The following NEK1 variants were observed in gnomAD, a reference collection of about 807,000 sequenced individuals.
The protein encoded by NEK1 is NIMA related kinase 1.
Under a neutral mutation model 182.1 loss-of-function variants are expected in NEK1, and 137 were observed. The observed-to-expected ratio is 0.75, with a 90% CI of 0.65 to 0.87. The LOEUF is 0.87. Among genes scored for constraint, NEK1 ranks in the 40% least tolerant of loss-of-function variants. The pLI is 0.00. For synonymous variants in NEK1, 513 were observed against 492.2 expected, an observed-to-expected ratio of 1.04 and a Z score of -0.56; for missense variants, 1,391 against 1,494.4, an observed-to-expected ratio of 0.93 and a Z score of 1.14.
At chr4:169,446,011 G>C (rs922961341) in intron 27 of NEK1, among the ~76,000 whole-genome samples, 1 of 151,780 alleles carries the variant, frequency 6.6e-6, no homozygotes, top group Non-Finnish European at 1.5e-5. Flanking sequence ...CTGACTTATA[G>C]GTGGGAGCTA....
chr4:169,590,207 C>G (rs568803500), intron 6 of NEK1, among the ~76,000 whole-genome samples: 2 of 152,150 alleles, frequency 1.3e-5, no homozygotes, highest in Non-Finnish European at 2.9e-5. Flanking sequence ...ACTCGTTGGT[C>G]TGAGGCAGGA....
intron 12 of NEK1, chr4:169,576,477 G>A (rs184401826): frequency 9.7e-5 from 15 of 154,606 alleles, no homozygotes; most frequent in East Asian, 5.7e-4. Context: ...TGGGCATGTC[G>A]CTTAAATTCT....
rs1460546427 is a variant in NEK1 at position 169,507,042 on chromosome 4, C to T, written c.2002G>A (p.Glu668Lys). 5 of 1,605,482 alleles carry T rather than the reference C, an allele frequency of 3.1e-6. No individual in the cohort carries two copies. The highest frequency in any genetic ancestry group is 4.3e-6 in the Non-Finnish European group (5 of 1,175,280). Reference sequence around the variant, plus strand: ...GAATATGAGCTAAATCTTACATGCTCTTCCCACACTTTTTTTTCTCTCTCA... The same window carrying T: ...GAATATGAGCTAAATCTTACATGCTTTTCCCACACTTTTTTTTCTCTCTCA... ...AYEREKKVWEEHLVAKGVKSS... is the reference protein window; with the variant it reads ...AYEREKKVWEKHLVAKGVKSS... The change falls in exon 23 of 36, where the codon GAG becomes AAG. Residue 668 changes from glutamate to lysine, a missense_variant. By Grantham distance (56) the Glu-to-Lys change is moderately conservative. Around this residue, in one of 5 missense-constraint regions of NEK1, gnomAD observed 1,216 missense variants for 1,277.6 expected, o/e 0.95. Transcript: ENST00000507142.
intron 4 of NEK1, among the ~76,000 whole-genome samples, chr4:169,599,948 G>A (rs1490817027): frequency 1.3e-5 from 2 of 151,486 alleles, no homozygotes; most frequent in East Asian, 3.9e-4. Context: ...CTGACCTTGA[G>A]CTCCTGGGCT....
chr4:169,441,267 G>A (rs1050568184), intron 27 of NEK1, among the ~76,000 whole-genome samples: 4 of 152,230 alleles, frequency 2.6e-5, no homozygotes, highest in African/African-American at 4.8e-5. Context: ...TGCACCTTCA[G>A]GAGCAAGGAG....
At chr4:169,491,375 A>G (rs1173914056) in intron 23 of NEK1, among the ~76,000 whole-genome samples, 1 of 152,148 alleles carries the variant, frequency 6.6e-6, no homozygotes, top group African/African-American at 2.4e-5. Context: ...AAGAGCATCA[A>G]GCAACATACA....
At chr4:169,586,947 T>C (rs1327323014) in intron 9 of NEK1, among the ~76,000 whole-genome samples, 1 of 152,016 alleles carries the variant, frequency 6.6e-6, no homozygotes, top group Non-Finnish European at 1.5e-5. Context: ...TTCTGAAGTT[T>C]TGTGTAATGA....
At chr4:169,471,734 T>C (rs571578794) in intron 26 of NEK1, among the ~76,000 whole-genome samples, 22 of 152,290 alleles carry the variant, frequency 1.4e-4, no homozygotes, top group African/African-American at 5.3e-4. Flanking sequence ...CAGCTGCCCC[T>C]TCCCCCAGGT....
intron 32 of NEK1, among the ~76,000 whole-genome samples, chr4:169,402,967 A>T (rs1731941658): frequency 6.6e-6 from 1 of 152,354 alleles, no homozygotes; most frequent in South Asian, 2.1e-4. Context: ...TTCATCTATC[A>T]GGAAGGCAAT....
intron 2 of NEK1, among the ~76,000 whole-genome samples, chr4:169,604,424 A>G (rs1377705742): frequency 2.0e-5 from 3 of 152,254 alleles, no homozygotes; most frequent in Non-Finnish European, 2.9e-5. Flanking sequence ...TATTGTAGAC[A>G]TACATGAATT....
At chr4:169,574,420 C>T (rs1462431106) in intron 12 of NEK1, among the ~76,000 whole-genome samples, 1 of 151,772 alleles carries the variant, frequency 6.6e-6, no homozygotes, top group Non-Finnish European at 1.5e-5. Context: ...ATGGTGAAAC[C>T]CCGTCTCTAA....
intron 26 of NEK1, among the ~76,000 whole-genome samples, chr4:169,465,942 G>A (rs1208899532): frequency 6.6e-6 from 1 of 151,722 alleles, no homozygotes; most frequent in Non-Finnish European, 1.5e-5. Context: ...CACAACATTT[G>A]GACACCCCCA....
intron 18 of NEK1, among the ~76,000 whole-genome samples, chr4:169,541,460 T>A (rs539134603): frequency 3.9e-5 from 6 of 152,228 alleles, no homozygotes; most frequent in African/African-American, 1.4e-4. Context: ...TGGTCAGAGT[T>A]ACTGATAAGA....
At chr4:169,498,403 C>T (rs1383831477) in intron 23 of NEK1, among the ~76,000 whole-genome samples, 1 of 152,150 alleles carries the variant, frequency 6.6e-6, no homozygotes, top group Non-Finnish European at 1.5e-5. Context: ...AGCCCATTTA[C>T]ATTTAAGGTT....
At chr4:169,470,932 A>G (rs1265842636) in intron 26 of NEK1, among the ~76,000 whole-genome samples, 3 of 152,118 alleles carry the variant, frequency 2.0e-5, no homozygotes, top group African/African-American at 4.8e-5. Context: ...ATACTTGTGT[A>G]TGCTTCACAA....
chr4:169,505,559 C>G (rs140775069), intron 23 of NEK1, among the ~76,000 whole-genome samples: 1 of 152,168 alleles, frequency 6.6e-6, no homozygotes, highest in Non-Finnish European at 1.5e-5. Flanking sequence ...GTAAAGACTA[C>G]GGGGAGTCAA....
intron 27 of NEK1, among the ~76,000 whole-genome samples, chr4:169,443,051 TTATCTATC>T (rs58470007): frequency 0.015 from 2,142 of 141,786 alleles, 25 homozygotes; most frequent in African/African-American, 0.027. Flanking sequence ...TAAAAATATT[TTATCTATC>T]TATCTATCTA....
chr4:169,546,626 C>A (rs1760509058), intron 18 of NEK1, among the ~76,000 whole-genome samples: 1 of 152,108 alleles, frequency 6.6e-6, no homozygotes, highest in Non-Finnish European at 1.5e-5. Flanking sequence ...CTTTTTAGGT[C>A]ACTAAGAACT....
At chr4:169,541,252 A>G (rs376074929) in intron 18 of NEK1, among the ~76,000 whole-genome samples, 2 of 152,290 alleles carry the variant, frequency 1.3e-5, no homozygotes, top group South Asian at 2.1e-4. Flanking sequence ...AGTTTTATCC[A>G]AATTAAATGA....
Sources: allele counts gnomAD v4.1 joint callset (sites outside exome capture counted in the v4.1 genomes callset), GRCh38; gene constraint gnomAD v4.1.1; regional missense constraint gnomAD v4.1.1; transcripts MANE v1.5; gene names NCBI Gene and HGNC (gene_info 2026-07-23, HGNC 2026-07-21).